Variants in PITPNC1 observed in about 807,000 individuals in gnomAD.
The protein encoded by PITPNC1 is cytoplasmic phosphatidylinositol transfer protein 1.
In PITPNC1, 18 loss-of-function variants were observed where a neutral mutation model predicts 44.7. The observed-to-expected ratio is 0.40, with a 90% CI of 0.28 to 0.60. The LOEUF (loss-of-function observed/expected upper bound fraction) is 0.60. Ranked by LOEUF, PITPNC1 falls within the 20% of genes least tolerant of loss-of-function variation. The probability of loss-of-function intolerance (pLI) is 0.39; values close to 1 mark genes in which losing one functional copy is unlikely to be tolerated. For missense variants in PITPNC1, 290 were observed against 418.4 expected (o/e 0.69, Z 2.68); for synonymous variants, 141 against 149.6 (o/e 0.94, Z 0.42).
intron 4 of PITPNC1, among the ~76,000 whole-genome samples, chr17:67,563,873 G>A (rs534642062): frequency 1.3e-5 from 2 of 152,200 alleles, no homozygotes; most frequent in Non-Finnish European, 2.9e-5. Context: ...GGAGATGTGG[G>A]GAGAGAGAGA....
chr17:67,589,823 C>G (rs987293891), intron 5 of PITPNC1, among the ~76,000 whole-genome samples: 1 of 152,160 alleles, frequency 6.6e-6, no homozygotes, highest in East Asian at 1.9e-4. Context: ...TAAAAAATAG[C>G]CAGACGTCAT....
In PITPNC1 at chr17:67,676,606, C is replaced by T. The variant is rs1014434457; in HGVS notation, c.682+1064C>T. Among the ~76,000 whole-genome samples the T allele has an allele frequency of 3.9e-5, 6 of 152,240 alleles. No homozygotes were observed. The highest frequency in any genetic ancestry group is 2.1e-4 in the South Asian group (1 of 4,826). On this transcript the variant is annotated intron_variant, in intron 8 of 8. Transcript: ENST00000581322. The surrounding 1 kb of genome is among the most constrained non-coding windows in gnomAD (Gnocchi z 4.0). ...AAATGCCCTTCTCCTTGGCCTTTTC[C>T]AAAGTCACATTAAATTTGTTCTGAG...
rs181018891 is a variant in PITPNC1, at chr17:67,516,686, C to T, written c.49-16116C>T. On this transcript the variant is annotated intron_variant, in intron 1 of 8. Coordinates refer to ENST00000581322, the MANE Select transcript of PITPNC1 (RefSeq NM_012417.4). ...AGTCGCCCAGGCTGGAGTGCAGTAGCGCCATCTTCACTGCAATCACCTCCC... is the reference window on the plus strand; with the variant it reads ...AGTCGCCCAGGCTGGAGTGCAGTAGTGCCATCTTCACTGCAATCACCTCCC... Among the ~76,000 whole-genome samples, 10 of 152,230 alleles carry T rather than the reference C, an allele frequency of 6.6e-5. No homozygotes were observed. The East Asian group carries it at 1.7e-3, about 26-fold the overall frequency.
chr17:67,440,930 A>G (rs1422689696), intron 1 of PITPNC1, among the ~76,000 whole-genome samples: 5 of 152,136 alleles, frequency 3.3e-5, no homozygotes, highest in Admixed American at 3.3e-4. Flanking sequence ...TACCAAATAA[A>G]CAACAGCTTT....
In PITPNC1 at chr17:67,693,031, T is replaced by C; in HGVS notation, c.*143T>C. Reference sequence around the variant, plus strand: ...TCAGTGTGCATGTGACTCAGTAACTTCACATAGAATATGATTCCCTAAGTA... The same window carrying C: ...TCAGTGTGCATGTGACTCAGTAACTCCACATAGAATATGATTCCCTAAGTA... On this transcript the variant is annotated 3_prime_UTR_variant, in exon 9 of 9. Coordinates refer to ENST00000581322, the MANE Select transcript of PITPNC1 (RefSeq NM_012417.4). 1 of 611,954 alleles carries C rather than the reference T, an allele frequency of 1.6e-6. No individual in the cohort carries two copies. Among genetic ancestry groups the C allele is most frequent in the Middle Eastern group, 4.0e-4 (1 of 2,498 alleles). 37.9% of individuals were successfully genotyped at this position (611,954 alleles called of 1,614,324 possible).
chr17:67,552,824 A>G (rs1437433981), intron 3 of PITPNC1, among the ~76,000 whole-genome samples: 1 of 150,302 alleles, frequency 6.7e-6, no homozygotes, highest in African/African-American at 2.5e-5. Flanking sequence ...AAAAAAAAAA[A>G]GCTTATGGAG....
At chr17:67,436,522 G>A (rs1003068336) in intron 1 of PITPNC1, among the ~76,000 whole-genome samples, 15 of 152,092 alleles carry the variant, frequency 9.9e-5, no homozygotes, top group Admixed American at 8.5e-4. Flanking sequence ...GGAGGGGAAG[G>A]AGGGTGATGG....
intron 6 of PITPNC1, among the ~76,000 whole-genome samples, chr17:67,661,229 T>C (rs1280628378): frequency 2.6e-5 from 4 of 151,908 alleles, no homozygotes; most frequent in Admixed American, 6.6e-5. Flanking sequence ...GTTTAGGCAA[T>C]GGAAACACAA....
At chr17:67,687,860 TAAGTATCGTAATCTCTC>T (rs1253673746) in intron 8 of PITPNC1, among the ~76,000 whole-genome samples, 3 of 152,042 alleles carry the variant, frequency 2.0e-5, no homozygotes, top group African/African-American at 4.8e-5. Context: ...GCCAGCATTT[TAAGTATCGTAATCTCTC>T]AATCATTCAT....
chr17:67,469,556 A>G (rs1429364840), intron 1 of PITPNC1, among the ~76,000 whole-genome samples: 3 of 152,194 alleles, frequency 2.0e-5, no homozygotes, highest in East Asian at 1.9e-4. Flanking sequence ...TCGCCAGCAC[A>G]CTCAGACCAG....
intron 1 of PITPNC1, among the ~76,000 whole-genome samples, chr17:67,466,386 G>A (rs1337944661): frequency 6.6e-6 from 1 of 152,184 alleles, no homozygotes; most frequent in Non-Finnish European, 1.5e-5. Flanking sequence ...GCCTCCCACA[G>A]GTGGAGAGGT....
chr17:67,467,300 C>T (rs1053563630), intron 1 of PITPNC1, among the ~76,000 whole-genome samples: 4 of 151,952 alleles, frequency 2.6e-5, no homozygotes, highest in Non-Finnish European at 5.9e-5. Flanking sequence ...GTGATCCACC[C>T]GCCTCAGCCT....
Position 67,398,641 on chromosome 17 carries a change from G to A in PITPNC1, c.48+20439G>A, listed in dbSNP as rs1192568562. 4.6e-5 allele frequency among the ~76,000 whole-genome samples: 7 copies of A among 152,106 alleles called. 1 individual carries two copies. The highest frequency in any genetic ancestry group is 3.3e-4 in the Admixed American group (5 of 15,252). ...TGGTTTCCCCAGGATTCAGAAAGCC[G>A]TAATGGATCAGACCAGCAGCAGCGA... On this transcript the variant is annotated intron_variant, in intron 1 of 8. Transcript: ENST00000581322.
At chr17:67,378,280 G>A in intron 1 of PITPNC1, 78 bp downstream of exon 1, 1 of 988,240 alleles carries the variant, frequency 1.0e-6, no homozygotes, top group Non-Finnish European at 1.4e-6. Flanking sequence ...GGCGAGCCCC[G>A]GGCGAGCGGC....
intron 8 of PITPNC1, among the ~76,000 whole-genome samples, chr17:67,691,776 C>T (rs1418589321): frequency 6.6e-6 from 1 of 152,130 alleles, no homozygotes; most frequent in African/African-American, 2.4e-5. Flanking sequence ...GAGGCTTAGG[C>T]AGGCGGATCA....
chr17:67,447,659 G>A (rs537302730), intron 1 of PITPNC1, among the ~76,000 whole-genome samples: 3 of 150,688 alleles, frequency 2.0e-5, no homozygotes, highest in African/African-American at 4.8e-5. Context: ...GAGCCACCAC[G>A]CCCATCCTGG....
At chr17:67,462,190 T>C (rs1271696722) in intron 1 of PITPNC1, among the ~76,000 whole-genome samples, 23 of 151,334 alleles carry the variant, frequency 1.5e-4, no homozygotes, top group African/African-American at 3.4e-4. Flanking sequence ...CACCTTTTTT[T>C]TTTTCTTTTC....
intron 5 of PITPNC1, among the ~76,000 whole-genome samples, chr17:67,584,289 G>A (rs1035420955): frequency 4.6e-5 from 7 of 152,046 alleles, no homozygotes; most frequent in Admixed American, 4.6e-4. Context: ...ATATCACCAA[G>A]GACATTATTT....
chr17:67,405,854 G>A (rs1027646110), intron 1 of PITPNC1, among the ~76,000 whole-genome samples: 50 of 152,006 alleles, frequency 3.3e-4, no homozygotes, highest in African/African-American at 1.2e-3. Context: ...TGATCCTCCC[G>A]CCTTGGCCTC....
Sources: gnomAD v4.1 joint callset for allele counts (sites outside exome capture counted in the v4.1 genomes callset) on GRCh38, gnomAD v4.1.1 for gene constraint, Gnocchi (gnomAD v3.1) non-coding constraint, MANE v1.5 for transcripts, NCBI Gene and HGNC (gene_info 2026-07-23, HGNC 2026-07-21) for gene names.